Variants in LPIN2 observed in about 807,000 individuals in gnomAD.
LPIN2 encodes the protein lipin 2, also known as phosphatidate phosphatase LPIN2.
Under a neutral mutation model 111.4 loss-of-function variants are expected in LPIN2, and 55 were observed. That is an observed-to-expected ratio of 0.49 (90% CI 0.40 to 0.62). The LOEUF (loss-of-function observed/expected upper bound fraction) is 0.62. Among genes scored for constraint, LPIN2 ranks in the 20% least tolerant of loss-of-function variants. The pLI, the probability that LPIN2 is intolerant of heterozygous loss-of-function variation, is 0.00. For missense variants in LPIN2, 992 were observed against 1,112.1 expected (o/e 0.89, Z 1.54); for synonymous variants, 425 against 414.0 (o/e 1.03, Z -0.32).
At chr18:2,923,657 G>A (rs2144125684) in intron 16 of LPIN2, 118 bp downstream of exon 16, 1 of 891,476 alleles carries the variant, frequency 1.1e-6, no homozygotes, top group Non-Finnish European at 1.9e-6. Flanking sequence ...AGGAAGAGCG[G>A]GAATGCTTCA....
intron 2 of LPIN2, among the ~76,000 whole-genome samples, chr18:2,955,812 G>A (rs1240825776): frequency 6.6e-6 from 1 of 152,150 alleles, no homozygotes; most frequent in African/African-American, 2.4e-5. Context: ...CTACTCGGGA[G>A]GCTGAGGCAG....
At chr18:2,978,187 TTAAAAAA>T (rs1432608363) in intron 1 of LPIN2, among the ~76,000 whole-genome samples, 10 of 151,744 alleles carry the variant, frequency 6.6e-5, no homozygotes, top group African/African-American at 2.2e-4. Context: ...ACTCTGTCTT[TTAAAAAA>T]TAAAAAATAA....
At chr18:2,955,538 C>T (rs978545128) in intron 2 of LPIN2, among the ~76,000 whole-genome samples, 31 of 152,220 alleles carry the variant, frequency 2.0e-4, no homozygotes, top group African/African-American at 7.2e-4. Context: ...TCACCTCTAA[C>T]ACTGGAGTTC....
intron 6 of LPIN2, 97 bp downstream of exon 6, chr18:2,939,383 A>C: frequency 7.0e-7 from 1 of 1,425,054 alleles, no homozygotes; most frequent in South Asian, 1.2e-5. Flanking sequence ...CATTCATGAG[A>C]GCTCAGTCAG....
chr18:2,996,295 G>A (rs1371761512), intron 1 of LPIN2, among the ~76,000 whole-genome samples: 4 of 151,572 alleles, frequency 2.6e-5, no homozygotes, highest in African/African-American at 7.3e-5. Flanking sequence ...AGCCGAGATC[G>A]CACCACTGCA....
At chr18:2,922,995 A>T (rs960715506) in intron 16 of LPIN2, among the ~76,000 whole-genome samples, 1 of 152,218 alleles carries the variant, frequency 6.6e-6, no homozygotes, top group Non-Finnish European at 1.5e-5. Flanking sequence ...TCTTCAGATC[A>T]ATGTAATATA....
chr18:3,000,544 G>A (rs2078419275), intron 1 of LPIN2, among the ~76,000 whole-genome samples: 1 of 152,182 alleles, frequency 6.6e-6, no homozygotes, highest in African/African-American at 2.4e-5. Flanking sequence ...CACAAAGCAG[G>A]ATACACACCA....
Position 2,976,267 on chromosome 18 carries a change from T to C in LPIN2, c.-9-15418A>G, listed in dbSNP as rs373079792. ...AGGTCTCTCAACCTGTACCATATTGTATCCTAGTAAATGAGGGTAAGAACC... is the reference window on the plus strand; with the variant it reads ...AGGTCTCTCAACCTGTACCATATTGCATCCTAGTAAATGAGGGTAAGAACC... On this transcript the variant is annotated intron_variant, in intron 1 of 19. Coordinates refer to ENST00000677752, the MANE Select transcript of LPIN2 (RefSeq NM_001375808.2). Among the ~76,000 whole-genome samples, 50 of 152,338 alleles carry C rather than the reference T, an allele frequency of 3.3e-4. 1 individual carries two copies. The South Asian group carries it at 0.01, about 32-fold the overall frequency.
intron 1 of LPIN2, among the ~76,000 whole-genome samples, chr18:3,011,296 A>G (rs550839863): frequency 1.1e-4 from 16 of 152,274 alleles, no homozygotes; most frequent in Admixed American, 9.8e-4. Context: ...ATGCGTGCCT[A>G]TTGACTCTCG....
intron 1 of LPIN2, among the ~76,000 whole-genome samples, chr18:2,993,731 T>C (rs1971204686): frequency 6.6e-6 from 1 of 152,202 alleles, no homozygotes. Flanking sequence ...ATTCCTAATC[T>C]TAGCTTCTAA....
In LPIN2 at chr18:2,919,879, C is replaced by T. The variant is rs1480283099; in HGVS notation, c.*414G>A. ...CGCAGCAGTTCAGGGACCCTGACAT[C>T]TGAAGACAGCCCTGGTTACAGAAGC... On this transcript the variant is annotated 3_prime_UTR_variant, in exon 20 of 20. Coordinates refer to ENST00000677752, the MANE Select transcript of LPIN2 (RefSeq NM_001375808.2). 7.2e-6 allele frequency: 2 copies of T among 278,574 alleles called. No homozygotes were observed. The highest frequency in any genetic ancestry group is 1.4e-5 in the Non-Finnish European group (2 of 140,242). The allele number at this position is 278,574 out of a possible 1,614,324, so 17.3% of individuals were successfully genotyped here.
At chr18:3,003,909 A>G (rs576914330) in intron 1 of LPIN2, among the ~76,000 whole-genome samples, 2 of 152,314 alleles carry the variant, frequency 1.3e-5, no homozygotes, top group African/African-American at 4.8e-5. Context: ...TAGGAGAGAT[A>G]TCGCTGAATT....
chr18:2,947,814 T>C (rs2077477362), intron 4 of LPIN2, among the ~76,000 whole-genome samples: 1 of 152,186 alleles, frequency 6.6e-6, no homozygotes, highest in Non-Finnish European at 1.5e-5. Flanking sequence ...AGCAATTGAT[T>C]TCCTTTTCTT....
chr18:2,947,406 T>C (rs2077470165), intron 4 of LPIN2, among the ~76,000 whole-genome samples: 1 of 152,212 alleles, frequency 6.6e-6, no homozygotes, highest in African/African-American at 2.4e-5. Flanking sequence ...ACAAGGCTTC[T>C]ATGTTATATT....
chr18:2,970,387 C>T (rs1413891272), intron 1 of LPIN2, among the ~76,000 whole-genome samples: 2 of 152,168 alleles, frequency 1.3e-5, no homozygotes, highest in African/African-American at 4.8e-5. Context: ...ATTCATGAAA[C>T]GTATATGGAG....
In LPIN2 at chr18:2,923,876, G is replaced by A. The variant is rs1347228313; in HGVS notation, c.2088-15C>T. 15 of 1,608,814 alleles carry A rather than the reference G, an allele frequency of 9.3e-6. No individual in the cohort carries two copies. The East Asian group carries it at 2.9e-4, about 31-fold the overall frequency. On this transcript the variant is annotated splice_polypyrimidine_tract_variant and intron_variant, in intron 15 of 19. Coordinates refer to ENST00000677752, the MANE Select transcript of LPIN2 (RefSeq NM_001375808.2). The stretch of plus-strand genomic sequence containing the variant: ...AAGCATCCGACCTAAGAAGACGGTA[G>A]AAACAGGAAAAGCTATCAGGAATCA...
chr18:2,928,993 GTAACAGT>G, intron 10 of LPIN2, 65 bp downstream of exon 10: 1 of 976,820 alleles, frequency 1.0e-6, no homozygotes, highest in South Asian at 1.3e-5. Flanking sequence ...ACTTTTATAA[GTAACAGT>G]TAAAAATGGC....
At chr18:2,931,703 A>AAATCATCACGG (rs1322274375) in intron 8 of LPIN2, among the ~76,000 whole-genome samples, 3 of 152,250 alleles carry the variant, frequency 2.0e-5, no homozygotes, top group Non-Finnish European at 2.9e-5. Context: ...GTCATTCACA[A>AAATCATCACGG]TAATGCAAAC....
intron 4 of LPIN2, chr18:2,946,465 G>A (rs2077453100): frequency 1.3e-6 from 2 of 1,490,882 alleles, no homozygotes; most frequent in Non-Finnish European, 1.9e-6. Context: ...GGTGATATGT[G>A]CAAGCATCGT....
Sources: gnomAD v4.1 joint callset for allele counts (sites outside exome capture counted in the v4.1 genomes callset) on GRCh38, gnomAD v4.1.1 for gene constraint, MANE v1.5 for transcripts, NCBI Gene and HGNC (gene_info 2026-07-23, HGNC 2026-07-21) for gene names.